Variants in MICAL2 observed in about 807,000 individuals in gnomAD.
MICAL2 encodes microtubule associated monooxygenase, calponin and LIM domain containing 2.
MICAL2 carries 77 observed loss-of-function variants against 127.3 expected under a neutral mutation model. The observed-to-expected ratio is 0.60, with a 90% CI of 0.50 to 0.73. The LOEUF is 0.73. Among genes scored for constraint, MICAL2 ranks in the 30% least tolerant of loss-of-function variants. The pLI, the probability that MICAL2 is intolerant of heterozygous loss-of-function variation, is 0.00. For missense variants in MICAL2, 1,351 were observed against 1,434.4 expected, an observed-to-expected ratio of 0.94 and a Z score of 0.94; for synonymous variants, 570 against 551.1, an observed-to-expected ratio of 1.03 and a Z score of -0.48.
At chr11:12,240,958 C>T (rs1292418197) in intron 17 of MICAL2, 82 bp from the exon 18 acceptor site, 11 of 1,526,514 alleles carry the variant, frequency 7.2e-6, no homozygotes, top group Non-Finnish European at 8.9e-6. Flanking sequence ...CTTCTCTTCT[C>T]CCTCCAAGCC....
chr11:12,126,331 G>C (rs1298712001), intron 1 of MICAL2, among the ~76,000 whole-genome samples: 1 of 152,224 alleles, frequency 6.6e-6, no homozygotes, highest in Non-Finnish European at 1.5e-5. Context: ...CCTGGAAGAA[G>C]TATGTACTTT....
At chr11:12,320,505 G>A (rs1007220331) in intron 30 of MICAL2, among the ~76,000 whole-genome samples, 3 of 152,044 alleles carry the variant, frequency 2.0e-5, no homozygotes, top group Non-Finnish European at 2.9e-5. Context: ...AAGCTGGAGC[G>A]TTTTCACTGA....
intron 29 of MICAL2, chr11:12,303,725 A>G (rs1864075877): frequency 6.6e-6 from 1 of 152,206 alleles, no homozygotes; most frequent in Non-Finnish European, 1.5e-5. Context: ...TTGTATTATT[A>G]GCCCTTTTGT....
At chr11:12,128,987 A>G (rs1394675786) in intron 1 of MICAL2, among the ~76,000 whole-genome samples, 1 of 152,218 alleles carries the variant, frequency 6.6e-6, no homozygotes, top group Admixed American at 6.5e-5. Context: ...ATATTATAGT[A>G]TTATTGTAAG....
At position 12,260,668 on chromosome 11, in the gene MICAL2, CT is replaced by C. The variant is rs923734098; in HGVS notation, c.3334+776del. The C allele has an allele frequency of 1.0e-4, 102 of 985,990 alleles. 1 individual carries two copies. In the African/African-American group the frequency reaches 1.6e-3, roughly 15 times the overall value. 61.1% of individuals were successfully genotyped at this position (985,990 alleles called of 1,614,324 possible). ...GATGCCACTTGTCAGCAGCAGGATA[CT>C]TTTTACAACACGAAAGCATAATTAT... On this transcript the variant is annotated intron_variant, in intron 26 of 27. Coordinates refer to ENST00000683283, the MANE Select transcript of MICAL2 (RefSeq NM_001282663.2).
At chr11:12,204,506 G>A (rs1196320359) in intron 4 of MICAL2, 49 bp downstream of exon 4, 1 of 1,575,824 alleles carries the variant, frequency 6.3e-7, no homozygotes, top group African/African-American at 1.4e-5. Flanking sequence ...GACTGACCCT[G>A]GGTGGGACAT....
At position 12,276,349 on chromosome 11, in the gene MICAL2, CAT is replaced by C. The variant is rs572918962; in HGVS notation, c.87+186_87+187del. Reference sequence around the variant, plus strand: ...AGGGAGTGGTAAGATTCACAGAATTCATATGTGTTAAGTGTATAGAACAGTGC... The same window carrying C: ...AGGGAGTGGTAAGATTCACAGAATTCATGTGTTAAGTGTATAGAACAGTGC... On this transcript the variant is annotated intron_variant, in intron 1 of 2. Transcript: ENST00000529028. 3.1e-3 allele frequency: 1,205 copies of C among 394,824 alleles called. 1 individual carries two copies. The highest frequency in any genetic ancestry group is 3.8e-3 in the Admixed American group (87 of 22,640). The allele number at this position is 394,824 out of a possible 1,614,324, so 24.5% of individuals were successfully genotyped here. A position where few individuals can be genotyped will look rare whatever the true frequency, so the allele number is the denominator to read the frequency against.
At chr11:12,268,781 G>C (rs1863637220), downstream of MICAL2, among the ~76,000 whole-genome samples, 1 of 151,936 alleles carries the variant, frequency 6.6e-6, no homozygotes, top group Admixed American at 6.5e-5. Flanking sequence ...AGGAGGTTAG[G>C]AGATCGAGAC....
chr11:12,345,987 A>C (rs1244033866), intron 32 of MICAL2, among the ~76,000 whole-genome samples: 2 of 152,236 alleles, frequency 1.3e-5, no homozygotes, highest in Non-Finnish European at 2.9e-5. Flanking sequence ...CAAATATCTA[A>C]AGGTCTGTCA....
At chr11:12,245,413 T>C (rs1015311047) in intron 21 of MICAL2, among the ~76,000 whole-genome samples, 5 of 152,348 alleles carry the variant, frequency 3.3e-5, no homozygotes, top group Admixed American at 1.3e-4. Flanking sequence ...TGGTGTGTAA[T>C]TGGGGGTCCC....
chr11:12,216,839 T>C (rs1057172116), intron 8 of MICAL2, among the ~76,000 whole-genome samples: 10 of 152,302 alleles, frequency 6.6e-5, no homozygotes, highest in African/African-American at 1.9e-4. Flanking sequence ...TCAGTCTTCT[T>C]ATCTACAAAA....
At chr11:12,360,623 G>A (rs972161491), downstream of MICAL2, among the ~76,000 whole-genome samples, 18 of 152,166 alleles carry the variant, frequency 1.2e-4, no homozygotes, top group African/African-American at 4.3e-4. Flanking sequence ...TTGTTATTGT[G>A]CAAAAGAATT....
intron 14 of MICAL2, among the ~76,000 whole-genome samples, chr11:12,226,689 G>A (rs1230702486): frequency 9.1e-6 from 1 of 109,562 alleles, no homozygotes; most frequent in African/African-American, 3.7e-5. Context: ...GTCTCGCTTT[G>A]TCGCCGAGGC....
At chr11:12,260,759 G>T in intron 26 of MICAL2, 1 of 985,468 alleles carries the variant, frequency 1.0e-6, no homozygotes, top group East Asian at 1.1e-4. Context: ...GCAGTGTGTG[G>T]TTGGCTGTTA....
rs140553046 is a variant in MICAL2, at chr11:12,238,986, G to A, written c.2065-450G>A. On this transcript the variant is annotated intron_variant, in intron 16 of 27. Transcript: ENST00000683283. Reference sequence around the variant, plus strand: ...AGGCCTTGCCTGAGTGACCCCACCCGTGCTTCCTTCATTGGCCCCCAACCC... The same window carrying A: ...AGGCCTTGCCTGAGTGACCCCACCCATGCTTCCTTCATTGGCCCCCAACCC... Among the ~76,000 whole-genome samples the A allele has an allele frequency of 9.2e-4, 140 of 152,222 alleles. No individual in the cohort carries two copies. The East Asian group carries it at 0.013, about 14-fold the overall frequency.
chr11:12,300,325 G>C lies in MICAL2; in HGVS notation c.5212+5468G>C, dbSNP rs561579330. ...AAAAGAATCTAGTCCTCTGGAATACGGTGGGAACATAAATATGATGGATTT... is the reference window on the plus strand; with the variant it reads ...AAAAGAATCTAGTCCTCTGGAATACCGTGGGAACATAAATATGATGGATTT... On this transcript the variant is annotated intron_variant, in intron 29 of 34. Coordinates refer to the MICAL2 transcript ENST00000646065. Among the ~76,000 whole-genome samples the C allele has an allele frequency of 3.9e-5, 6 of 152,222 alleles. No individual in the cohort carries two copies. In the South Asian group the frequency reaches 1.2e-3, roughly 32 times the overall value.
At chr11:12,262,884 A>AG in intron 27 of MICAL2, 1 of 222,938 alleles carries the variant, frequency 4.5e-6, no homozygotes, top group Admixed American at 5.2e-5. Flanking sequence ...CAATACCATG[A>AG]GGGGGCCTCT....
chr11:12,201,862 C>T (rs2896601), intron 3 of MICAL2, among the ~76,000 whole-genome samples: 118,464 of 152,194 alleles, frequency 0.78, 49,147 homozygotes, highest in Non-Finnish European at 0.92. Context: ...CTCACGCCTG[C>T]AATCCCAGCA....
At chr11:12,344,984 C>T (rs901126588) in intron 32 of MICAL2, among the ~76,000 whole-genome samples, 11 of 151,244 alleles carry the variant, frequency 7.3e-5, no homozygotes, top group Non-Finnish European at 1.2e-4. Context: ...TTGTGGTGGG[C>T]GCCTGTAGTC....
Sources: allele counts gnomAD v4.1 joint callset (sites outside exome capture counted in the v4.1 genomes callset), GRCh38; gene constraint gnomAD v4.1.1; transcripts MANE v1.5; gene names NCBI Gene and HGNC (gene_info 2026-07-23, HGNC 2026-07-21).